DYNLT2: variants seen among roughly 807,000 people sequenced by gnomAD.
DYNLT2 encodes the protein dynein light chain Tctex-type 2.
A neutral mutation model predicts 24.3 loss-of-function variants in DYNLT2; 24 were observed. The ratio of observed to expected loss-of-function variants is 0.99; its 90% confidence interval spans 0.71 to 1.39. The LOEUF (loss-of-function observed/expected upper bound fraction) is 1.39, where lower values mean the gene tolerates loss of function less well. Ranked by LOEUF, DYNLT2 falls within the 40% of genes most tolerant of loss-of-function variation. The pLI is 0.00. For synonymous variants in DYNLT2, 85 were observed against 85.4 expected (o/e 1.00, Z 0.03); for missense variants, 246 against 234.5 (o/e 1.05, Z -0.32).
At chr6:169,741,839 T>C (rs555926998) in intron 3 of DYNLT2, among the ~76,000 whole-genome samples, 10 of 152,302 alleles carry the variant, frequency 6.6e-5, no homozygotes, top group African/African-American at 2.2e-4. Flanking sequence ...GTTCTCTTTG[T>C]AGCACTTATC....
the DYNLT2 span, among the ~76,000 whole-genome samples, chr6:169,726,376 T>G: frequency 3.3e-5 from 5 of 152,166 alleles, no homozygotes; most frequent in South Asian, 4.2e-4. Flanking sequence ...GACCTAGAAT[T>G]TGAAAACTGC....
At chr6:169,737,607 C>A (rs1789588293), downstream of DYNLT2, among the ~76,000 whole-genome samples, 1 of 152,000 alleles carries the variant, frequency 6.6e-6, no homozygotes, top group Non-Finnish European at 1.5e-5. Flanking sequence ...GGGTGAATGG[C>A]CCTACTCATC....
intron 1 of DYNLT2, among the ~76,000 whole-genome samples, chr6:169,748,519 GAGT>G (rs1428272332): frequency 2.0e-5 from 3 of 152,170 alleles, no homozygotes; most frequent in Non-Finnish European, 4.4e-5. Context: ...TATTGGCTGC[GAGT>G]AGAAGTCCCT....
rs757208332 is a variant in DYNLT2, at chr6:169,740,224, G to A, written c.558C>T (p.Tyr186=). ...WVAAKHEAES[Y]VALVLVFALY... ...GGGCAAACACCAAGACCAGTGCCAC[G>A]TAGGATTCTGCTTCGTGTTTAGCTG... Residue 186 remains tyrosine (Y), a synonymous_variant, in exon 4 of 4, where the codon TAC becomes TAT. Coordinates refer to ENST00000366774, the MANE Select transcript of DYNLT2 (RefSeq NM_174910.3). The A allele has an allele frequency of 1.2e-5, 19 of 1,613,866 alleles. No homozygotes were observed. Among genetic ancestry groups the A allele is most frequent in the African/African-American group, 4.0e-5 (3 of 74,894 alleles).
intron 1 of DYNLT2, among the ~76,000 whole-genome samples, chr6:169,746,364 C>T (rs1173853292): frequency 1.3e-5 from 2 of 152,124 alleles, no homozygotes; most frequent in Non-Finnish European, 2.9e-5. Flanking sequence ...TGCACACATT[C>T]AATACTATAC....
chr6:169,736,681 G>A (rs4716387), downstream of DYNLT2, among the ~76,000 whole-genome samples: 13 of 151,988 alleles, frequency 8.6e-5, no homozygotes, highest in African/African-American at 2.9e-4. Context: ...GTGAGATGTC[G>A]GCTGTTAGTC....
chr6:169,735,783 T>C (rs1363674164), downstream of DYNLT2, among the ~76,000 whole-genome samples: 1 of 152,242 alleles, frequency 6.6e-6, no homozygotes, highest in Non-Finnish European at 1.5e-5. Context: ...GAAAGGTCTG[T>C]AGACGTCTAC....
intron 1 of DYNLT2, chr6:169,750,659 T>C (rs1247062534): frequency 6.6e-6 from 1 of 152,220 alleles, no homozygotes; most frequent in Non-Finnish European, 1.5e-5. Context: ...ATTACAGCTT[T>C]GTATCCTTGG....
At chr6:169,737,743 C>T (rs1371798031), downstream of DYNLT2, among the ~76,000 whole-genome samples, 1 of 152,130 alleles carries the variant, frequency 6.6e-6, no homozygotes, top group Non-Finnish European at 1.5e-5. Flanking sequence ...AGGATCACTC[C>T]TGTATAGGGT....
chr6:169,743,915 A>G (rs988149395), intron 2 of DYNLT2, among the ~76,000 whole-genome samples, 153 bp downstream of exon 2: 1 of 152,136 alleles, frequency 6.6e-6, no homozygotes, highest in Non-Finnish European at 1.5e-5. Context: ...TGATTAACTA[A>G]CTTGTTGTGC....
downstream of DYNLT2, chr6:169,738,742 CT>C (rs768553247): frequency 6.6e-6 from 1 of 152,482 alleles, no homozygotes; most frequent in Non-Finnish European, 1.5e-5. Context: ...GGCCCCACCC[CT>C]AGTTTTGCAT....
chr6:169,743,053 T>C (rs771744153), intron 3 of DYNLT2, 27 bp downstream of exon 3: 2 of 1,463,408 alleles, frequency 1.4e-6, no homozygotes, highest in South Asian at 3.1e-5. Flanking sequence ...TTCTAATTGC[T>C]AGATCCTGTA....
chr6:169,735,752 A>G (rs1789549493), downstream of DYNLT2, among the ~76,000 whole-genome samples: 1 of 152,234 alleles, frequency 6.6e-6, no homozygotes, highest in Non-Finnish European at 1.5e-5. Context: ...GAAAGAATGT[A>G]TATTCTGTTG....
rs541336932 is a variant in DYNLT2, at chr6:169,751,562, C to G, written c.-104G>C. Reference sequence around the variant, plus strand: ...GGAAGTCTCCCACCTGCGCCTCGTACGGTAGGAAGTGCCCGCCAGGGCTCC... The same window carrying G: ...GGAAGTCTCCCACCTGCGCCTCGTAGGGTAGGAAGTGCCCGCCAGGGCTCC... On this transcript the variant is annotated 5_prime_UTR_variant, in exon 1 of 4. Transcript: ENST00000366774. 19 of 1,609,492 alleles carry G rather than the reference C, an allele frequency of 1.2e-5. No homozygotes were observed. The Admixed American group carries it at 1.4e-4, about 11-fold the overall frequency.
chr6:169,732,470 G>A, the DYNLT2 span, among the ~76,000 whole-genome samples: 2 of 152,086 alleles, frequency 1.3e-5, no homozygotes, highest in African/African-American at 2.4e-5. Flanking sequence ...CCTGGTGTGT[G>A]TTGTTCCCCT....
intron 1 of DYNLT2, among the ~76,000 whole-genome samples, chr6:169,748,567 AG>A (rs374453352): frequency 3.9e-5 from 6 of 152,314 alleles, no homozygotes; most frequent in Admixed American, 2.6e-4. Context: ...ATCATCTGTC[AG>A]GCTTCTGTGT....
At chr6:169,738,451 G>A (rs139244752), downstream of DYNLT2, among the ~76,000 whole-genome samples, 31 of 152,290 alleles carry the variant, frequency 2.0e-4, no homozygotes, top group African/African-American at 7.0e-4. Flanking sequence ...TGATCTGTGG[G>A]TTGCACAGTT....
At chr6:169,743,967 G>GT in intron 2 of DYNLT2, 101 bp downstream of exon 2, 5 of 1,151,628 alleles carry the variant, frequency 4.3e-6, no homozygotes, top group Non-Finnish European at 6.1e-6. Flanking sequence ...AGTGACAATT[G>GT]TATGAGCCAA....
chr6:169,744,295 G>A (rs1331970370), intron 1 of DYNLT2, 21 bp from the exon 2 acceptor site: 3 of 1,599,378 alleles, frequency 1.9e-6, no homozygotes, highest in Middle Eastern at 1.7e-4. Flanking sequence ...AAGAGAGAGG[G>A]GAAGAGAGAA....
Sources: gnomAD v4.1 joint callset for allele counts (sites outside exome capture counted in the v4.1 genomes callset) on GRCh38, gnomAD v4.1.1 for gene constraint, MANE v1.5 for transcripts, NCBI Gene and HGNC (gene_info 2026-07-23, HGNC 2026-07-21) for gene names.